IFRD1: variants seen among roughly 807,000 people sequenced by gnomAD.
IFRD1 encodes the protein interferon related developmental regulator 1, also known as interferon-related developmental regulator 1.
IFRD1 carries 35 observed loss-of-function variants against 52.9 expected under a neutral mutation model. That is an observed-to-expected ratio of 0.66 (90% confidence interval 0.51 to 0.88). The LOEUF is 0.88. Ranked by LOEUF, IFRD1 falls within the 40% of genes least tolerant of loss-of-function variation. The pLI, the probability that IFRD1 is intolerant of heterozygous loss-of-function variation, is 0.00. For missense variants in IFRD1, 517 were observed against 550.8 expected, an observed-to-expected ratio of 0.94 and a Z score of 0.61; for synonymous variants, 184 against 188.4, an observed-to-expected ratio of 0.98 and a Z score of 0.19.
intron 8 of IFRD1, among the ~76,000 whole-genome samples, chr7:112,465,954 A>G (rs2396542): frequency 0.13 from 19,997 of 152,100 alleles, 1,483 homozygotes; most frequent in South Asian, 0.3. Flanking sequence ...AAGGTTGGGT[A>G]TTTTCTTTTT....
chr7:112,472,747 C>T lies in IFRD1; in HGVS notation c.1171-19C>T. ...TAATGTTTAATACTGAGCCATACCA[C>T]CTTTTTCTTTCACATAAGTCAAATG... On this transcript the variant is annotated intron_variant, in intron 10 of 11. Coordinates refer to ENST00000403825, the MANE Select transcript of IFRD1 (RefSeq NM_001550.4). The T allele has an allele frequency of 6.7e-7, 1 of 1,495,998 alleles. No homozygotes were observed. The highest frequency in any genetic ancestry group is 9.3e-7 in the Non-Finnish European group (1 of 1,072,330). 92.7% of individuals were successfully genotyped at this position (1,495,998 alleles called of 1,614,324 possible).
intron 9 of IFRD1, among the ~76,000 whole-genome samples, chr7:112,469,825 T>C (rs1293123582): frequency 3.3e-5 from 5 of 152,176 alleles, no homozygotes; most frequent in Non-Finnish European, 7.4e-5. Flanking sequence ...TCCTATCCCA[T>C]AGTGATCTAC....
chr7:112,435,219 GA>G (rs1459623382), intron 1 of IFRD1, among the ~76,000 whole-genome samples: 1 of 152,166 alleles, frequency 6.6e-6, no homozygotes, highest in Non-Finnish European at 1.5e-5. Context: ...TTCAAAATCA[GA>G]TCAACACAAA....
Position 112,455,826 on chromosome 7 carries a change from A to G in IFRD1, c.158A>G (p.His53Arg). 6.2e-7 allele frequency: 1 copy of G among 1,613,314 alleles called. No homozygotes were observed. The highest frequency in any genetic ancestry group is 8.5e-7 in the Non-Finnish European group (1 of 1,179,252). Reference sequence around the variant, plus strand: ...GATGCATCAATTGAAACAATGAGCCATTGCAGTGGTTATAGCGATCCTTCC... The same window carrying G: ...GATGCATCAATTGAAACAATGAGCCGTTGCAGTGGTTATAGCGATCCTTCC... ...DEDASIETMS[H>R]CSGYSDPSSF... is the part of the protein sequence containing the mutation. The change falls in exon 2 of 12, where the codon CAT becomes CGT. Residue 53 changes from histidine to arginine, a missense_variant. By Grantham distance (29) the His-to-Arg change is conservative. Coordinates refer to ENST00000403825, the MANE Select transcript of IFRD1 (RefSeq NM_001550.4).
chr7:112,459,718 T>G (rs1259973820), intron 5 of IFRD1, among the ~76,000 whole-genome samples: 1 of 152,202 alleles, frequency 6.6e-6, no homozygotes, highest in Non-Finnish European at 1.5e-5. Flanking sequence ...CAATGTAAAT[T>G]GGCTGGAACC....
At chr7:112,458,350 A>G (rs116491465) in intron 4 of IFRD1, 2,304 of 154,430 alleles carry the variant, frequency 0.015, 63 homozygotes, top group African/African-American at 0.054. Context: ...AAGTTAATAA[A>G]TGTATTTTTT....
intron 10 of IFRD1, 102 bp downstream of exon 10, chr7:112,472,449 T>C: frequency 8.0e-7 from 1 of 1,249,720 alleles, no homozygotes; most frequent in Admixed American, 1.7e-5. Context: ...TCCAGAGTGC[T>C]TCCACATGTT....
intron 1 of IFRD1, among the ~76,000 whole-genome samples, chr7:112,434,180 T>C (rs751166828): frequency 6.6e-5 from 10 of 152,184 alleles, no homozygotes; most frequent in Non-Finnish European, 1.2e-4. Context: ...TTTTAATTAG[T>C]AAAAGTATTG....
At chr7:112,457,336 AGT>A in intron 4 of IFRD1, 3 of 522,018 alleles carry the variant, frequency 5.7e-6, no homozygotes, top group Non-Finnish European at 1.0e-5. Context: ...AAAGCTTGAA[AGT>A]GTGTGTCAGA....
At chr7:112,464,267 A>AG (rs1795552946) in intron 8 of IFRD1, among the ~76,000 whole-genome samples, 1 of 152,046 alleles carries the variant, frequency 6.6e-6, no homozygotes, top group African/African-American at 2.4e-5. Flanking sequence ...TGAGAGACTT[A>AG]GAAAAAAAAC....
At chr7:112,455,894 A>G (rs781530911) in intron 2 of IFRD1, 27 bp downstream of exon 2, 7 of 1,534,904 alleles carry the variant, frequency 4.6e-6, no homozygotes, top group South Asian at 3.4e-5. Context: ...TAAATTTGCA[A>G]CTTTAGATAA....
At chr7:112,451,646 T>C (rs564434161) in intron 1 of IFRD1, among the ~76,000 whole-genome samples, 13 of 152,318 alleles carry the variant, frequency 8.5e-5, no homozygotes, top group East Asian at 3.9e-4. Context: ...ACTGAACTTA[T>C]GGTTTTCTAC....
chr7:112,470,427 G>A lies in IFRD1; in HGVS notation c.1042-1792G>A, dbSNP rs1279075865. 2.0e-5 allele frequency among the ~76,000 whole-genome samples: 3 copies of A among 152,204 alleles called. No individual in the cohort carries two copies. In the South Asian group the frequency reaches 6.2e-4, roughly 32 times the overall value. Reference sequence around the variant, plus strand: ...ATGAGGGAAAAGCCAGACTGAAGTGGATTGAAAAGTGAGAAGTGATTAAGT... The same window carrying A: ...ATGAGGGAAAAGCCAGACTGAAGTGAATTGAAAAGTGAGAAGTGATTAAGT... On this transcript the variant is annotated intron_variant, in intron 9 of 11. Coordinates refer to ENST00000403825, the MANE Select transcript of IFRD1 (RefSeq NM_001550.4).
chr7:112,466,631 A>G (rs1795616608), intron 8 of IFRD1, among the ~76,000 whole-genome samples: 1 of 152,202 alleles, frequency 6.6e-6, no homozygotes, highest in Non-Finnish European at 1.5e-5. Context: ...AATCACTGGC[A>G]GTGATTCTCA....
intron 5 of IFRD1, among the ~76,000 whole-genome samples, chr7:112,461,016 A>G (rs1795420104): frequency 6.6e-6 from 1 of 152,132 alleles, no homozygotes; most frequent in South Asian, 2.1e-4. Context: ...TTGTGTTCTG[A>G]GTATGTTTTA....
intron 9 of IFRD1, among the ~76,000 whole-genome samples, chr7:112,470,296 A>G (rs900155278): frequency 2.6e-5 from 4 of 152,224 alleles, no homozygotes; most frequent in African/African-American, 7.2e-5. Flanking sequence ...CTCTTTGAGC[A>G]TGGCCAAATC....
chr7:112,468,155 A>T, intron 9 of IFRD1, 40 bp downstream of exon 9: 1 of 1,602,238 alleles, frequency 6.2e-7, no homozygotes, highest in Non-Finnish European at 8.6e-7. Flanking sequence ...TCATTTTGAA[A>T]TTGGATTGTT....
intron 1 of IFRD1, among the ~76,000 whole-genome samples, chr7:112,430,940 TG>T (rs1006957334): frequency 1.3e-5 from 2 of 152,236 alleles, no homozygotes; most frequent in African/African-American, 4.8e-5. Flanking sequence ...CAAAGGCCAG[TG>T]AGAGTGGAAG....
chr7:112,455,904 A>G, intron 2 of IFRD1, 37 bp downstream of exon 2: 1 of 1,517,532 alleles, frequency 6.6e-7, no homozygotes, highest in Non-Finnish European at 9.2e-7. Context: ...ACTTTAGATA[A>G]AATGTTTCAG....
Sources: allele counts gnomAD v4.1 joint callset (sites outside exome capture counted in the v4.1 genomes callset), GRCh38; gene constraint gnomAD v4.1.1; transcripts MANE v1.5; gene names NCBI Gene and HGNC (gene_info 2026-07-23, HGNC 2026-07-21).